NPHP4: variants seen among roughly 807,000 people sequenced by gnomAD.
NPHP4 encodes nephrocystin-4.
NPHP4 carries 151 observed loss-of-function variants against 155.8 expected under a neutral mutation model. That is an observed-to-expected ratio of 0.97 (90% confidence interval 0.85 to 1.11). The LOEUF (loss-of-function observed/expected upper bound fraction) is 1.11, where lower values mean the gene tolerates loss of function less well. NPHP4 is among the 50% of genes least tolerant of loss of function. The probability of loss-of-function intolerance (pLI) is 0.00; values close to 1 mark genes in which losing one functional copy is unlikely to be tolerated. For missense variants in NPHP4, 1,956 were observed against 1,925.7 expected (o/e 1.02, Z -0.29); for synonymous variants, 845 against 816.8 (o/e 1.03, Z -0.59).
chr1:5,919,201 T>A (rs569227593), intron 11 of NPHP4, among the ~76,000 whole-genome samples: 2 of 152,262 alleles, frequency 1.3e-5, no homozygotes, highest in Non-Finnish European at 2.9e-5. Context: ...TGACCTCTTC[T>A]ATAATTGGGC....
intron 3 of NPHP4, among the ~76,000 whole-genome samples, chr1:5,974,660 C>T (rs1054199974): frequency 3.5e-5 from 5 of 144,806 alleles, no homozygotes; most frequent in Admixed American, 7.0e-5. Context: ...CATATGGGCC[C>T]AGTGCAAATA....
chr1:5,923,239 T>G (rs1032089332), intron 11 of NPHP4, among the ~76,000 whole-genome samples: 6 of 152,202 alleles, frequency 3.9e-5, no homozygotes, highest in Admixed American at 3.9e-4. Flanking sequence ...CTTCTACTTC[T>G]GGCCAAGAAG....
At chr1:5,990,200 G>A (rs900134411) in intron 1 of NPHP4, among the ~76,000 whole-genome samples, 42 of 152,118 alleles carry the variant, frequency 2.8e-4, no homozygotes, top group African/African-American at 7.2e-4. Context: ...CCCCACCTCC[G>A]GCTGCTCCCA....
intron 1 of NPHP4, among the ~76,000 whole-genome samples, chr1:5,989,768 G>A (rs1257608360): frequency 6.6e-6 from 1 of 152,188 alleles, no homozygotes; most frequent in African/African-American, 2.4e-5. Context: ...GGTGCCTCCT[G>A]CCCTCTCCCT....
intron 18 of NPHP4, among the ~76,000 whole-genome samples, chr1:5,883,644 C>T (rs1446371135): frequency 6.6e-6 from 1 of 152,146 alleles, no homozygotes; most frequent in Non-Finnish European, 1.5e-5. Flanking sequence ...CACCCGGCAC[C>T]TCCCTTCACT....
intron 18 of NPHP4, chr1:5,880,738 G>A: frequency 5.9e-6 from 1 of 169,336 alleles, no homozygotes; most frequent in South Asian, 1.5e-4. Context: ...AGCAAGTGGT[G>A]TGGCCTCGGG....
chr1:5,863,558 G>C, intron 29 of NPHP4, 153 bp from the exon 30 acceptor site: 1 of 836,910 alleles, frequency 1.2e-6, no homozygotes, highest in South Asian at 1.6e-5. Flanking sequence ...TGACTTCAGC[G>C]CCCGGTACAA....
Position 5,933,183 on chromosome 1 carries a change from G to T in NPHP4, c.1266C>A (p.Val422=), listed in dbSNP as rs762662941. ...GIQPNPSHCL[V]YKVPSASMSS... ...TCATGCTGGCTGAGGGTACCTTGTAGACCAGACAGTGCGAGGGGTTGGGCT... is the reference window on the plus strand; with the variant it reads ...TCATGCTGGCTGAGGGTACCTTGTATACCAGACAGTGCGAGGGGTTGGGCT... The change falls in exon 10 of 30, where the codon GTC becomes GTA. Residue 422 remains valine (V), a synonymous_variant. Transcript: ENST00000378156. 1.2e-6 allele frequency: 2 copies of T among 1,612,398 alleles called. No individual in the cohort carries two copies. Among genetic ancestry groups the T allele is most frequent in the Admixed American group, 1.7e-5 (1 of 59,944 alleles).
intron 20 of NPHP4, 173 bp downstream of exon 20, chr1:5,876,920 T>A (rs1328566596): frequency 2.3e-6 from 1 of 440,308 alleles, no homozygotes; most frequent in African/African-American, 2.0e-5. Flanking sequence ...CTCCAGATAA[T>A]TCTCACTTAA....
rs767073232 is a variant in NPHP4, at chr1:5,904,787, C to T, written c.1973G>A (p.Arg658Gln). 12 of 1,613,956 alleles carry T rather than the reference C, an allele frequency of 7.4e-6. No homozygotes were observed. The Admixed American group carries it at 8.3e-5, about 11-fold the overall frequency. The change falls in exon 16 of 30, where the codon CGA (arginine) becomes CAA (glutamine). Residue 658 changes from arginine (R) to glutamine (Q), a missense_variant. Transcript: ENST00000378156. ...CACAGTCTTTGGCCATGATGTTCCT[C>T]GGCAGTCCTGGGCCACTCTGAATCC... is the stretch of plus-strand genomic sequence containing the variant. ...LAFSRVAQDC[R>Q]GTSWPKTVYF...
intron 6 of NPHP4, among the ~76,000 whole-genome samples, chr1:5,956,755 G>A (rs1334517332): frequency 9.9e-5 from 15 of 152,204 alleles, no homozygotes; most frequent in Non-Finnish European, 2.2e-4. Flanking sequence ...TTGGATCTGG[G>A]CTGAATTTAA....
chr1:5,968,058 T>C (rs545011097), intron 4 of NPHP4, among the ~76,000 whole-genome samples: 70 of 151,954 alleles, frequency 4.6e-4, no homozygotes, highest in Non-Finnish European at 9.0e-4. Flanking sequence ...ACCTACTGCC[T>C]GCCAGGCACC....
Position 5,864,438 on chromosome 1 carries a change from C to T in NPHP4, c.3896G>A (p.Gly1299Asp), listed in dbSNP as rs532503870. 6.2e-7 allele frequency: 1 copy of T among 1,608,548 alleles called. No individual in the cohort carries two copies. Among genetic ancestry groups the T allele is most frequent in the Admixed American group, 1.7e-5 (1 of 59,400 alleles). ...LHVGVRPLRA[G>D]SRFVHLNLVD... is the part of the protein sequence containing the mutation. Reference sequence around the variant, plus strand: ...CAGGTTGAGATGGACAAAGCGGCTGCCGGCCCTAAGGGGCCTCACGCCAAC... The same window carrying T: ...CAGGTTGAGATGGACAAAGCGGCTGTCGGCCCTAAGGGGCCTCACGCCAAC... Residue 1299 changes from glycine (G) to aspartate (D), a missense_variant, in exon 28 of 30, where the codon GGC becomes GAC. By Grantham distance (94) the Gly-to-Asp change is moderately conservative. Coordinates refer to ENST00000378156, the MANE Select transcript of NPHP4 (RefSeq NM_015102.5).
At chr1:5,878,501 A>G (rs893947165) in intron 19 of NPHP4, among the ~76,000 whole-genome samples, 2 of 152,240 alleles carry the variant, frequency 1.3e-5, no homozygotes, top group African/African-American at 2.4e-5. Context: ...CGTGGTCCCA[A>G]TGAAACCAGA....
intron 9 of NPHP4, among the ~76,000 whole-genome samples, chr1:5,935,718 T>C (rs1646502617): frequency 6.6e-6 from 1 of 151,942 alleles, no homozygotes; most frequent in African/African-American, 2.4e-5. Flanking sequence ...TTAGTAAAAA[T>C]ACAAAAATCA....
intron 19 of NPHP4, chr1:5,879,228 G>A (rs536111396): frequency 5.6e-5 from 14 of 250,506 alleles, no homozygotes; most frequent in South Asian, 4.0e-4. Flanking sequence ...AAAAGCGCAC[G>A]GCAGCTGTGA....
Position 5,863,155 on chromosome 1 carries a change from G to A in NPHP4, c.*110C>T. 8.5e-7 allele frequency: 1 copy of A among 1,182,712 alleles called. No homozygotes were observed. Among genetic ancestry groups the A allele is most frequent in the Admixed American group, 1.7e-5 (1 of 58,574 alleles). The allele number at this position is 1,182,712 out of a possible 1,614,324, so 73.3% of individuals were successfully genotyped here. On this transcript the variant is annotated 3_prime_UTR_variant, in exon 30 of 30. Transcript: ENST00000378156. ...AGCCAAGTGCACAGGTCAGCCAGGTGGGCACTGAAGTGAAAGGCTGCAGAG... is the reference window on the plus strand; with the variant it reads ...AGCCAAGTGCACAGGTCAGCCAGGTAGGCACTGAAGTGAAAGGCTGCAGAG...
At chr1:5,933,778 A>G (rs149279274) in intron 9 of NPHP4, among the ~76,000 whole-genome samples, 6 of 152,372 alleles carry the variant, frequency 3.9e-5, no homozygotes, top group South Asian at 2.1e-4. Context: ...AAAATAACGA[A>G]GAATGCACAT....
intron 23 of NPHP4, among the ~76,000 whole-genome samples, chr1:5,871,587 C>T (rs1642011107): frequency 1.3e-5 from 2 of 152,208 alleles, no homozygotes; most frequent in African/African-American, 4.8e-5. Flanking sequence ...CCATTTTCCA[C>T]CCTGGATGGA....
Sources: gnomAD v4.1 joint callset for allele counts (sites outside exome capture counted in the v4.1 genomes callset) on GRCh38, gnomAD v4.1.1 for gene constraint, MANE v1.5 for transcripts, NCBI Gene and HGNC (gene_info 2026-07-23, HGNC 2026-07-21) for gene names.